Variants in MPPED1 observed in about 807,000 individuals in gnomAD.
MPPED1 encodes metallophosphoesterase domain-containing protein 1.
MPPED1 carries 16 observed loss-of-function variants against 36.2 expected under a neutral mutation model. The ratio of observed to expected loss-of-function variants is 0.44; its 90% CI spans 0.30 to 0.67. MPPED1 has a LOEUF of 0.67. MPPED1 is among the 30% of genes least tolerant of loss of function. MPPED1 has a pLI of 0.10. For synonymous variants in MPPED1, 199 were observed against 191.3 expected (o/e 1.04, Z -0.33); for missense variants, 307 against 453.4 (o/e 0.68, Z 2.93).
Position 43,500,769 on chromosome 22 carries a change from G to A in MPPED1, c.749-1875G>A, listed in dbSNP as rs540602696. ...GAGGGCCCCCAGGCTGCAGGGTAGAGGGTTCAGGAACAGCCAAGCCCCGTG... is the reference window on the plus strand; with the variant it reads ...GAGGGCCCCCAGGCTGCAGGGTAGAAGGTTCAGGAACAGCCAAGCCCCGTG... On this transcript the variant is annotated intron_variant, in intron 5 of 6. Transcript: ENST00000443721. Among the ~76,000 whole-genome samples the A allele has an allele frequency of 9.6e-4, 146 of 152,210 alleles. 1 individual carries two copies. The highest frequency in any genetic ancestry group is 3.2e-3 in the African/African-American group (133 of 41,496).
At chr22:43,435,359 C>A in intron 3 of MPPED1, 144 bp downstream of exon 3, 1 of 821,328 alleles carries the variant, frequency 1.2e-6, no homozygotes, top group South Asian at 1.8e-5. Context: ...CCCTCCCTGA[C>A]CTCTCAGAGC....
At chr22:43,483,384 C>A (rs568315025) in intron 4 of MPPED1, among the ~76,000 whole-genome samples, 1 of 152,356 alleles carries the variant, frequency 6.6e-6, no homozygotes, top group African/African-American at 2.4e-5. Context: ...CCCGTCTCCA[C>A]CCTGCCCCAT....
intron 1 of MPPED1, among the ~76,000 whole-genome samples, chr22:43,414,359 G>A (rs1161945587): frequency 6.6e-6 from 1 of 152,066 alleles, no homozygotes; most frequent in Non-Finnish European, 1.5e-5. Flanking sequence ...GAGGAATGAC[G>A]GTGGTCGCTG....
intron 2 of MPPED1, among the ~76,000 whole-genome samples, chr22:43,432,426 GAA>G (rs941977822): frequency 2.3e-5 from 3 of 130,844 alleles, no homozygotes; most frequent in Non-Finnish European, 4.9e-5. Flanking sequence ...GGAGGAGAGA[GAA>G]AGGGAGGAGA....
chr22:43,426,924 C>T (rs1929498096), intron 2 of MPPED1, among the ~76,000 whole-genome samples: 1 of 152,210 alleles, frequency 6.6e-6, no homozygotes, highest in Non-Finnish European at 1.5e-5. Context: ...CTTGCCGCTC[C>T]TCGGTCTGTG....
At position 43,423,516 on chromosome 22, in the gene MPPED1, G is replaced by A. The variant is rs1184076524; in HGVS notation, c.-78-1392G>A. Among the ~76,000 whole-genome samples the A allele has an allele frequency of 2.0e-5, 3 of 152,152 alleles. No individual in the cohort carries two copies. In the East Asian group the frequency reaches 5.8e-4, roughly 29 times the overall value. ...CTCTGCAGGTGGAGAAGAGGGATAT[G>A]TTTTGGGAATCAGGAAGTGTCTTTA... On this transcript the variant is annotated intron_variant, in intron 1 of 6. Coordinates refer to ENST00000443721, the MANE Select transcript of MPPED1 (RefSeq NM_001044370.2).
intron 2 of MPPED1, among the ~76,000 whole-genome samples, chr22:43,433,083 T>C (rs1199144054): frequency 6.6e-6 from 1 of 151,924 alleles, no homozygotes; most frequent in African/African-American, 2.4e-5. Context: ...CGGCAGGGTA[T>C]GTAGGTCACA....
At chr22:43,477,528 C>A (rs1931614570) in intron 4 of MPPED1, among the ~76,000 whole-genome samples, 2 of 152,296 alleles carry the variant, frequency 1.3e-5, no homozygotes, top group Admixed American at 1.3e-4. Flanking sequence ...TCTGGGAAAC[C>A]CCTGGGCTGC....
rs1170855146 is a variant in MPPED1, at chr22:43,500,115, A to G, written c.748+1765A>G. On this transcript the variant is annotated intron_variant, in intron 5 of 6. Coordinates refer to ENST00000443721, the MANE Select transcript of MPPED1 (RefSeq NM_001044370.2). ...GATGGAGGTGGTAGTGGGGGTGATGAAGGTGGTGATGGAGGTGGTAATGGA... is the reference window on the plus strand; with the variant it reads ...GATGGAGGTGGTAGTGGGGGTGATGGAGGTGGTGATGGAGGTGGTAATGGA... 7.2e-4 allele frequency among the ~76,000 whole-genome samples: 33 copies of G among 46,126 alleles called. 1 individual carries two copies. The highest frequency in any genetic ancestry group is 1.8e-3 in the African/African-American group (24 of 13,076). 30.3% of individuals were successfully genotyped at this position (46,126 alleles called of 152,430 possible). A position where few individuals can be genotyped will look rare whatever the true frequency, so the allele number is the denominator to read the frequency against.
intron 2 of MPPED1, among the ~76,000 whole-genome samples, chr22:43,433,070 G>A (rs1929822165): frequency 6.6e-6 from 1 of 152,100 alleles, no homozygotes; most frequent in Admixed American, 6.5e-5. Flanking sequence ...GTGTGTGGGG[G>A]GGCGGCAGGG....
chr22:43,432,530 TAAAGGGAGGAGAGAAAG>T (rs1929750300), intron 2 of MPPED1, among the ~76,000 whole-genome samples: 1 of 26,266 alleles, frequency 3.8e-5, no homozygotes, highest in Non-Finnish European at 7.4e-5. Context: ...AGGAGAGAGA[TAAAGGGAGGAGAGAAAG>T]AAAGGGAGGA....
rs183863135 is a variant in MPPED1, at chr22:43,434,195, G to C, written c.225-839G>C. ...TAAAATGTTATTTTTGCTCAGTGAA[G>C]TAGCTTCGTTTTACAGATGTGCAGA... On this transcript the variant is annotated intron_variant, in intron 2 of 6. Coordinates refer to ENST00000443721, the MANE Select transcript of MPPED1 (RefSeq NM_001044370.2). Among the ~76,000 whole-genome samples the C allele has an allele frequency of 5.1e-3, 779 of 152,342 alleles. 20 individuals are homozygous for C. Among genetic ancestry groups the C allele is most frequent in the African/African-American group, 0.018 (734 of 41,568 alleles).
intron 4 of MPPED1, among the ~76,000 whole-genome samples, chr22:43,485,222 A>G: frequency 6.6e-6 from 1 of 152,058 alleles, no homozygotes; most frequent in Non-Finnish European, 1.5e-5. Flanking sequence ...ATTCATACTC[A>G]TATACACTTC....
intron 5 of MPPED1, among the ~76,000 whole-genome samples, chr22:43,499,615 T>TGGA (rs1224759574): frequency 3.2e-5 from 1 of 30,800 alleles, no homozygotes; most frequent in Non-Finnish European, 5.6e-5. Flanking sequence ...GTGGTGGTGA[T>TGGA]GGTGGTGGTG....
chr22:43,486,829 G>A (rs1220287493), intron 4 of MPPED1, among the ~76,000 whole-genome samples: 1 of 152,084 alleles, frequency 6.6e-6, no homozygotes, highest in African/African-American at 2.4e-5. Context: ...TACCTCTGAG[G>A]CTTCATCTGT....
At chr22:43,453,098 C>G (rs542198839) in intron 3 of MPPED1, among the ~76,000 whole-genome samples, 1 of 151,724 alleles carries the variant, frequency 6.6e-6, no homozygotes, top group African/African-American at 2.4e-5. Context: ...TACAGGCACC[C>G]GCTACCACGC....
chr22:43,500,069 GAT>G, intron 5 of MPPED1, among the ~76,000 whole-genome samples: 2 of 119,212 alleles, frequency 1.7e-5, no homozygotes, highest in Non-Finnish European at 3.5e-5. Context: ...TGGTGATGGT[GAT>G]GGAGGTGGTG....
chr22:43,471,049 C>G (rs1931358280), intron 3 of MPPED1, among the ~76,000 whole-genome samples: 2 of 152,242 alleles, frequency 1.3e-5, no homozygotes, highest in Non-Finnish European at 2.9e-5. Flanking sequence ...GGGAAAAAGC[C>G]TCAGTCATCA....
At chr22:43,503,535 T>C (rs62232044) in intron 6 of MPPED1, among the ~76,000 whole-genome samples, 63,786 of 151,730 alleles carry the variant, frequency 0.42, 14,453 homozygotes, top group African/African-American at 0.57. Flanking sequence ...GCCTGGTCCA[T>C]ATTAGATCGT....
Sources: allele counts gnomAD v4.1 joint callset (sites outside exome capture counted in the v4.1 genomes callset), GRCh38; gene constraint gnomAD v4.1.1; transcripts MANE v1.5; gene names NCBI Gene and HGNC (gene_info 2026-07-23, HGNC 2026-07-21).